USP34: variants seen among roughly 807,000 people sequenced by gnomAD.
The protein encoded by USP34 is ubiquitin specific peptidase 34.
In USP34, 70 loss-of-function variants were observed where a neutral mutation model predicts 460.3. The ratio of observed to expected loss-of-function variants is 0.15; its 90% CI spans 0.13 to 0.19. USP34 has a LOEUF of 0.19. Ranked by LOEUF, USP34 falls within the 10% of genes least tolerant of loss-of-function variation. USP34 has a pLI of 1.00. For missense variants in USP34, 3,985 were observed against 4,236.2 expected (o/e 0.94, Z 1.65); for synonymous variants, 1,647 against 1,405.3 (o/e 1.17, Z -3.85).
chr2:61,288,555 G>A (rs890538630), intron 34 of USP34, 122 bp downstream of exon 34: 29 of 974,862 alleles, frequency 3.0e-5, no homozygotes, highest in South Asian at 1.2e-4. Context: ...AAACAATGCC[G>A]TCAGTTCAGC....
chr2:61,385,866 C>T (rs1331789011), intron 5 of USP34, among the ~76,000 whole-genome samples: 5 of 148,530 alleles, frequency 3.4e-5, no homozygotes, highest in African/African-American at 7.5e-5. Flanking sequence ...TGTGGTGACG[C>T]GCACCTGTAA....
At chr2:61,243,890 C>A (rs564630756) in intron 51 of USP34, among the ~76,000 whole-genome samples, 226 of 150,476 alleles carry the variant, frequency 1.5e-3, no homozygotes, top group Admixed American at 3.6e-3. Flanking sequence ...AGGAGACATT[C>A]TAGGCATAAC....
At chr2:61,236,645 A>G (rs1372243257) in intron 53 of USP34, among the ~76,000 whole-genome samples, 1 of 152,206 alleles carries the variant, frequency 6.6e-6, no homozygotes, top group Non-Finnish European at 1.5e-5. Context: ...TGCTGCAAGA[A>G]TTCTGAAATC....
chr2:61,447,539 T>A (rs1374771179), intron 1 of USP34, among the ~76,000 whole-genome samples: 2 of 152,290 alleles, frequency 1.3e-5, no homozygotes, highest in African/African-American at 2.4e-5. Flanking sequence ...AGATGTTTTA[T>A]GAAAAAAGCA....
At position 61,417,087 on chromosome 2, in the gene USP34, A is replaced by T. The variant is rs564570845; in HGVS notation, c.131+3659T>A. On this transcript the variant is annotated intron_variant, in intron 2 of 79. Coordinates refer to ENST00000398571, the MANE Select transcript of USP34 (RefSeq NM_014709.4). ...TGGCCCTGAGCAGGACCTCAATCAC[A>T]TGCGCCTTGTTCTGCAGCTTGGTAT... 6.3e-6 allele frequency: 9 copies of T among 1,434,764 alleles called. No individual in the cohort carries two copies. In the African/African-American group the frequency reaches 9.8e-5, roughly 16 times the overall value. The allele number at this position is 1,434,764 out of a possible 1,614,324, so 88.9% of individuals were successfully genotyped here.
intron 67 of USP34, among the ~76,000 whole-genome samples, chr2:61,219,451 A>G (rs1303739544): frequency 6.6e-6 from 1 of 152,130 alleles, no homozygotes; most frequent in Non-Finnish European, 1.5e-5. Flanking sequence ...TGGGCGGATC[A>G]CTTGAGGTCA....
chr2:61,189,110 A>AAC, intron 78 of USP34, 41 bp from the exon 79 acceptor site: 1 of 1,590,534 alleles, frequency 6.3e-7, no homozygotes, highest in Non-Finnish European at 8.5e-7. Context: ...TTCTAAAGCC[A>AAC]ACACTTTGAT....
chr2:61,379,250 G>A (rs1692900264), intron 7 of USP34, among the ~76,000 whole-genome samples: 1 of 152,190 alleles, frequency 6.6e-6, no homozygotes, highest in African/African-American at 2.4e-5. Flanking sequence ...CAGGTGGGGT[G>A]GCTCACGCCT....
chr2:61,235,957 A>G (rs762223310), intron 56 of USP34, 47 bp from the exon 57 acceptor site: 15 of 1,599,126 alleles, frequency 9.4e-6, no homozygotes, highest in Middle Eastern at 3.3e-4. Flanking sequence ...TGAGCCAACA[A>G]TAACAAAAAC....
At chr2:61,439,295 C>A (rs903073717) in intron 1 of USP34, among the ~76,000 whole-genome samples, 4 of 152,160 alleles carry the variant, frequency 2.6e-5, no homozygotes, top group African/African-American at 9.6e-5. Flanking sequence ...TGTGCCTCAG[C>A]TGTGTAGAGC....
intron 1 of USP34, among the ~76,000 whole-genome samples, chr2:61,450,546 G>C (rs1047788601): frequency 1.3e-5 from 2 of 152,136 alleles, no homozygotes; most frequent in African/African-American, 4.8e-5. Context: ...GAGATCACTT[G>C]AGGGCAGGAG....
At chr2:61,294,108 G>A (rs1388319706) in intron 32 of USP34, among the ~76,000 whole-genome samples, 1 of 152,136 alleles carries the variant, frequency 6.6e-6, no homozygotes, top group Non-Finnish European at 1.5e-5. Flanking sequence ...CACTTTGGGA[G>A]GCCGAGGCGG....
intron 2 of USP34, among the ~76,000 whole-genome samples, chr2:61,415,900 T>A (rs1193575743): frequency 6.6e-6 from 1 of 152,212 alleles, no homozygotes; most frequent in Admixed American, 6.5e-5. Context: ...AATTTCTAAA[T>A]GCCTCATATA....
In USP34 at chr2:61,203,126, T is replaced by A; in HGVS notation, c.9508+14A>T. The A allele has an allele frequency of 1.9e-6, 3 of 1,558,408 alleles. No individual in the cohort carries two copies. The highest frequency in any genetic ancestry group is 2.6e-6 in the Non-Finnish European group (3 of 1,150,778). On this transcript the variant is annotated intron_variant, in intron 75 of 79. Transcript: ENST00000398571. ...ATAATTCAGTGGAATTTACTGCTCATCTTTTATACTTACTCAGCTTAACTA... is the reference window on the plus strand; with the variant it reads ...ATAATTCAGTGGAATTTACTGCTCAACTTTTATACTTACTCAGCTTAACTA...
chr2:61,455,533 G>A (rs912633967), intron 1 of USP34, among the ~76,000 whole-genome samples: 3 of 152,102 alleles, frequency 2.0e-5, no homozygotes, highest in Admixed American at 6.6e-5. Flanking sequence ...CAGGTAACAT[G>A]AATCTGAGTC....
At chr2:61,300,394 G>C (rs994743995) in intron 29 of USP34, among the ~76,000 whole-genome samples, 20 of 149,438 alleles carry the variant, frequency 1.3e-4, no homozygotes, top group African/African-American at 4.6e-4. Context: ...TCACCATGTT[G>C]GTCAGGCTGC....
chr2:61,452,758 G>C (rs1695321645), intron 1 of USP34, among the ~76,000 whole-genome samples: 2 of 151,440 alleles, frequency 1.3e-5, no homozygotes, highest in Non-Finnish European at 2.9e-5. Context: ...AGCTGGGCTT[G>C]CCAGCACACA....
intron 75 of USP34, among the ~76,000 whole-genome samples, chr2:61,193,679 C>T (rs1018762316): frequency 6.6e-6 from 1 of 152,196 alleles, no homozygotes; most frequent in Non-Finnish European, 1.5e-5. Flanking sequence ...TACCACAGTC[C>T]TAAATGAATT....
At position 61,348,483 on chromosome 2, in the gene USP34, G is replaced by A. The variant is rs776827386; in HGVS notation, c.1675-3C>T. 1 of 1,604,756 alleles carries A rather than the reference G, an allele frequency of 6.2e-7. No homozygotes were observed. The highest frequency in any genetic ancestry group is 8.5e-7 in the Non-Finnish European group (1 of 1,175,648). ...TCAGAACTTCCCTGCATGGATTCCT[G>A]TATTTTGAAACAAATAGATTTAAAT... On this transcript the variant is annotated splice_polypyrimidine_tract_variant and splice_region_variant and intron_variant, in intron 14 of 79. Transcript: ENST00000398571.
Sources: allele counts gnomAD v4.1 joint callset (sites outside exome capture counted in the v4.1 genomes callset), GRCh38; gene constraint gnomAD v4.1.1; transcripts MANE v1.5; gene names NCBI Gene and HGNC (gene_info 2026-07-23, HGNC 2026-07-21).